The following FMN1 variants were observed in gnomAD, a reference collection of about 807,000 sequenced individuals.
FMN1 encodes formin 1.
Under a neutral mutation model 132.4 loss-of-function variants are expected in FMN1, and 110 were observed. The ratio of observed to expected loss-of-function variants is 0.83; its 90% CI spans 0.71 to 0.97. The LOEUF is 0.97. FMN1 is among the 50% of genes least tolerant of loss of function. FMN1 has a pLI of 0.00. For synonymous variants in FMN1, 722 were observed against 651.7 expected (o/e 1.11, Z -1.64); for missense variants, 1,792 against 1,705.3 (o/e 1.05, Z -0.90).
intron 7 of FMN1, among the ~76,000 whole-genome samples, chr15:32,986,997 C>A (rs377044041): frequency 6.6e-6 from 1 of 152,064 alleles, no homozygotes; most frequent in South Asian, 2.1e-4. Context: ...ATTTAACTAT[C>A]CTATTCAAAC....
chr15:33,182,258 C>T (rs1965730325), intron 2 of FMN1, among the ~76,000 whole-genome samples: 1 of 152,176 alleles, frequency 6.6e-6, no homozygotes, highest in Non-Finnish European at 1.5e-5. Context: ...TGAAGTCTGG[C>T]TCATTCAAGT....
At chr15:33,058,292 T>C (rs2037327333) in intron 6 of FMN1, among the ~76,000 whole-genome samples, 1 of 152,164 alleles carries the variant, frequency 6.6e-6, no homozygotes, top group Admixed American at 6.5e-5. Flanking sequence ...AAAAATGTGG[T>C]GTGGAATATG....
In FMN1 at chr15:32,782,554, G is replaced by A. The variant is rs141337278; in HGVS notation, c.4131-5635C>T. 3.3e-4 allele frequency among the ~76,000 whole-genome samples: 50 copies of A among 152,270 alleles called. No individual in the cohort carries two copies. In the East Asian group the frequency reaches 9.5e-3, roughly 29 times the overall value. On this transcript the variant is annotated intron_variant, in intron 19 of 20. Transcript: ENST00000616417. ...TACTTAAAAGTATCCACATTACTTT[G>A]CCCACAAGGAGACTAAGACTCAGTG...
chr15:33,123,918 C>T (rs1224579846), intron 4 of FMN1, among the ~76,000 whole-genome samples: 1 of 152,226 alleles, frequency 6.6e-6, no homozygotes, highest in Non-Finnish European at 1.5e-5. Context: ...TCTCTCGATT[C>T]TGTTCTCCCC....
chr15:32,938,152 C>T (rs1379979718), intron 9 of FMN1, among the ~76,000 whole-genome samples: 1 of 151,916 alleles, frequency 6.6e-6, no homozygotes, highest in Admixed American at 6.6e-5. Context: ...TTACTGACAA[C>T]TTCCTTGTCA....
chr15:32,845,588 TGACCCTGAGTAAGTTACCAA>T (rs2058837068), intron 17 of FMN1, among the ~76,000 whole-genome samples: 1 of 152,190 alleles, frequency 6.6e-6, no homozygotes, highest in Non-Finnish European at 1.5e-5. Flanking sequence ...GAGCTCACCC[TGACCCTGAGTAAGTTACCAA>T]GACCCTCAGA....
chr15:32,856,099 T>C (rs2059125803), intron 17 of FMN1, among the ~76,000 whole-genome samples: 1 of 152,210 alleles, frequency 6.6e-6, no homozygotes, highest in Non-Finnish European at 1.5e-5. Flanking sequence ...AGACTGAGAA[T>C]TTCCCTGCTG....
At chr15:33,046,320 C>CA (rs1284453087) in intron 6 of FMN1, among the ~76,000 whole-genome samples, 1 of 151,912 alleles carries the variant, frequency 6.6e-6, no homozygotes, top group Non-Finnish European at 1.5e-5. Flanking sequence ...TCTGAATGAA[C>CA]AATGCACTGA....
intron 3 of FMN1, among the ~76,000 whole-genome samples, chr15:33,179,807 AC>A (rs539464922): frequency 1.2e-4 from 19 of 152,352 alleles, no homozygotes; most frequent in African/African-American, 4.6e-4. Flanking sequence ...AGTGCCTGGC[AC>A]ATAATGGGCC....
At chr15:32,880,500 T>C (rs1239908002) in intron 16 of FMN1, among the ~76,000 whole-genome samples, 1 of 152,180 alleles carries the variant, frequency 6.6e-6, no homozygotes, top group Non-Finnish European at 1.5e-5. Flanking sequence ...TCCTGGGCTT[T>C]TTCTCTGTGC....
At chr15:32,968,190 A>AT (rs1293624745) in intron 8 of FMN1, among the ~76,000 whole-genome samples, 1 of 152,210 alleles carries the variant, frequency 6.6e-6, no homozygotes, top group Non-Finnish European at 1.5e-5. Flanking sequence ...GAGAGTTTGT[A>AT]TTTTAAGACT....
rs183096105 is a variant in FMN1 at position 32,892,498 on chromosome 15, A to T, written c.3715-4206T>A. On this transcript the variant is annotated intron_variant, in intron 15 of 20. Coordinates refer to ENST00000616417, the MANE Select transcript of FMN1 (RefSeq NM_001277313.2). ...AGGATTTTACCATCTATGTTCAACAAGGATATCGGTCTGTAGTTTTCGTTT... is the reference window on the plus strand; with the variant it reads ...AGGATTTTACCATCTATGTTCAACATGGATATCGGTCTGTAGTTTTCGTTT... 4.6e-5 allele frequency among the ~76,000 whole-genome samples: 7 copies of T among 152,292 alleles called. No homozygotes were observed. In the East Asian group the frequency reaches 1.3e-3, roughly 29 times the overall value.
At chr15:32,941,155 G>GA (rs2061392977) in intron 9 of FMN1, among the ~76,000 whole-genome samples, 1 of 152,174 alleles carries the variant, frequency 6.6e-6, no homozygotes, top group African/African-American at 2.4e-5. Flanking sequence ...CCAGTAGATA[G>GA]AATTTATGCT....
intron 3 of FMN1, among the ~76,000 whole-genome samples, chr15:33,173,873 G>T (rs916583920): frequency 1.5e-4 from 23 of 152,226 alleles, no homozygotes; most frequent in Middle Eastern, 3.4e-3. Flanking sequence ...AGGTTGCAGT[G>T]AGCCGAAATT....
At chr15:33,117,747 A>C (rs2039983012) in intron 4 of FMN1, among the ~76,000 whole-genome samples, 1 of 152,222 alleles carries the variant, frequency 6.6e-6, no homozygotes, top group Admixed American at 6.5e-5. Context: ...TCTCTTGATG[A>C]GACAGAAGGA....
At chr15:32,830,586 A>G (rs2058475786) in intron 17 of FMN1, among the ~76,000 whole-genome samples, 1 of 152,184 alleles carries the variant, frequency 6.6e-6, no homozygotes, top group Non-Finnish European at 1.5e-5. Flanking sequence ...TGGTAAGTAA[A>G]GAGGATACTA....
At chr15:33,163,645 T>G (rs902862644) in intron 3 of FMN1, among the ~76,000 whole-genome samples, 1 of 146,896 alleles carries the variant, frequency 6.8e-6, no homozygotes, top group African/African-American at 2.5e-5. Flanking sequence ...GAGACGGAGT[T>G]TCACTCTTGT....
In FMN1 at chr15:33,026,812, G is replaced by A. The variant is rs537211137; in HGVS notation, c.2162-18737C>T. ...TTTTCTAGTAAACCAGGCCAGACAAGTACCCAGGAGGCCAGGCTACCTGCC... is the reference window on the plus strand; with the variant it reads ...TTTTCTAGTAAACCAGGCCAGACAAATACCCAGGAGGCCAGGCTACCTGCC... On this transcript the variant is annotated intron_variant, in intron 6 of 20. Transcript: ENST00000616417. Among the ~76,000 whole-genome samples, 95 of 152,268 alleles carry A rather than the reference G, an allele frequency of 6.2e-4. No individual in the cohort carries two copies. The Middle Eastern group carries it at 0.01, about 16-fold the overall frequency.
rs1426389197 is a variant in FMN1, at chr15:33,153,219, C to T, written c.1696G>A (p.Val566Ile). The T allele has an allele frequency of 8.5e-6, 13 of 1,535,920 alleles. No individual in the cohort carries two copies. In the Admixed American group the frequency reaches 9.8e-5, roughly 12 times the overall value. Residue 566 changes from valine to isoleucine, a missense_variant, in exon 4 of 21, where the codon GTC (valine) becomes ATC (isoleucine). Coordinates refer to ENST00000616417, the MANE Select transcript of FMN1 (RefSeq NM_001277313.2). ...GGTGGCTCCAAGGTGTCAGCAGAGACGCACCCAGAGAAGACACGGCTCTTT... is the reference window on the plus strand; with the variant it reads ...GGTGGCTCCAAGGTGTCAGCAGAGATGCACCCAGAGAAGACACGGCTCTTT... ...CRKSRVFSGC[V>I]SADTLEPPSS...
Sources: allele counts gnomAD v4.1 joint callset (sites outside exome capture counted in the v4.1 genomes callset), GRCh38; gene constraint gnomAD v4.1.1; transcripts MANE v1.5; gene names NCBI Gene and HGNC (gene_info 2026-07-23, HGNC 2026-07-21).